Variants in ANKS1B observed in about 807,000 individuals in gnomAD.
ANKS1B encodes the protein ankyrin repeat and sterile alpha motif domain containing 1B.
Under a neutral mutation model 148.3 loss-of-function variants are expected in ANKS1B, and 36 were observed. That is an observed-to-expected ratio of 0.24 (90% CI 0.19 to 0.32). ANKS1B has a LOEUF of 0.32. ANKS1B is among the 10% of genes least tolerant of loss of function. The pLI is 1.00. For synonymous variants in ANKS1B, 542 were observed against 560.8 expected, an observed-to-expected ratio of 0.97 and a Z score of 0.47; for missense variants, 1,157 against 1,542.6, an observed-to-expected ratio of 0.75 and a Z score of 4.19.
chr12:98,776,210 T>C (rs1456225504), intron 24 of ANKS1B, among the ~76,000 whole-genome samples: 1 of 152,218 alleles, frequency 6.6e-6, no homozygotes, highest in Non-Finnish European at 1.5e-5. Flanking sequence ...GGAGACTAGA[T>C]GGTAGACTTC....
intron 19 of ANKS1B, among the ~76,000 whole-genome samples, chr12:98,812,421 A>G (rs1344447058): frequency 1.3e-5 from 2 of 152,228 alleles, no homozygotes; most frequent in Non-Finnish European, 2.9e-5. Context: ...AATACACACT[A>G]TGACGTTTGC....
chr12:99,144,134 T>A (rs1408050544), intron 15 of ANKS1B, among the ~76,000 whole-genome samples: 1 of 152,016 alleles, frequency 6.6e-6, no homozygotes, highest in Non-Finnish European at 1.5e-5. Flanking sequence ...ATTGGCTATA[T>A]TTTTTTTCTT....
chr12:99,932,200 T>C (rs2094636034), intron 1 of ANKS1B, among the ~76,000 whole-genome samples: 4 of 152,246 alleles, frequency 2.6e-5, no homozygotes, highest in Admixed American at 2.6e-4. Context: ...TTCCAAATTT[T>C]GGCTATTGGG....
intron 1 of ANKS1B, among the ~76,000 whole-genome samples, chr12:99,866,098 A>T (rs1205923452): frequency 6.6e-6 from 1 of 152,188 alleles, no homozygotes; most frequent in Non-Finnish European, 1.5e-5. Flanking sequence ...AGAAACCGTA[A>T]GCCTGGTCAC....
chr12:99,184,859 T>A (rs1295315405), intron 14 of ANKS1B, among the ~76,000 whole-genome samples: 1 of 152,206 alleles, frequency 6.6e-6, no homozygotes, highest in Admixed American at 6.5e-5. Flanking sequence ...AAATGAGGGT[T>A]AAAAATTATG....
intron 14 of ANKS1B, among the ~76,000 whole-genome samples, chr12:99,186,396 C>G (rs184758680): frequency 6.6e-6 from 1 of 152,322 alleles, no homozygotes; most frequent in Admixed American, 6.5e-5. Flanking sequence ...TGCTAAGGGA[C>G]AGACTGCCTC....
chr12:99,152,186 T>A (rs1316813460), intron 15 of ANKS1B, among the ~76,000 whole-genome samples: 1 of 152,172 alleles, frequency 6.6e-6, no homozygotes, highest in Non-Finnish European at 1.5e-5. Context: ...TCGCTTATGA[T>A]ACTAGTAGCA....
intron 19 of ANKS1B, among the ~76,000 whole-genome samples, 185 bp from the exon 20 acceptor site, chr12:98,808,103 A>C (rs1159479804): frequency 1.3e-5 from 2 of 152,238 alleles, no homozygotes; most frequent in African/African-American, 2.4e-5. Context: ...TTTTTGCTTT[A>C]AAACATTTTG....
At chr12:99,788,813 G>A (rs922368126) in intron 4 of ANKS1B, among the ~76,000 whole-genome samples, 1 of 152,086 alleles carries the variant, frequency 6.6e-6, no homozygotes, top group Non-Finnish European at 1.5e-5. Flanking sequence ...AGTAAACATT[G>A]GCAGTGACCT....
At chr12:99,639,002 T>C (rs2098272973) in intron 9 of ANKS1B, among the ~76,000 whole-genome samples, 1 of 152,188 alleles carries the variant, frequency 6.6e-6, no homozygotes, top group African/African-American at 2.4e-5. Context: ...TTTGGGAACC[T>C]TTGCCTAGAT....
intron 9 of ANKS1B, among the ~76,000 whole-genome samples, chr12:99,570,507 CA>C (rs1447030988): frequency 2.6e-5 from 4 of 151,950 alleles, no homozygotes; most frequent in Non-Finnish European, 4.4e-5. Context: ...ATTAGCTGGG[CA>C]TGGTGGCGGG....
At chr12:99,881,172 G>A (rs2092456727) in intron 1 of ANKS1B, among the ~76,000 whole-genome samples, 1 of 152,212 alleles carries the variant, frequency 6.6e-6, no homozygotes, top group South Asian at 2.1e-4. Context: ...GAGATTTCCA[G>A]AGAAGTCCTC....
intron 9 of ANKS1B, among the ~76,000 whole-genome samples, chr12:99,617,033 A>G (rs1349023826): frequency 6.6e-6 from 1 of 152,260 alleles, no homozygotes; most frequent in Non-Finnish European, 1.5e-5. Context: ...CAAAAAACAC[A>G]TGAGAGAAAG....
intron 9 of ANKS1B, among the ~76,000 whole-genome samples, chr12:99,562,610 A>G (rs2097348360): frequency 2.6e-5 from 4 of 152,224 alleles, no homozygotes; most frequent in Admixed American, 2.0e-4. Flanking sequence ...ACTTACAATC[A>G]TGGTGGAAGG....
chr12:99,511,883 C>T (rs540331065), intron 9 of ANKS1B, among the ~76,000 whole-genome samples: 2 of 152,008 alleles, frequency 1.3e-5, no homozygotes, highest in African/African-American at 4.8e-5. Flanking sequence ...AAACTGGACC[C>T]CTTCCCTACA....
chr12:99,676,516 G>C (rs1289032771), intron 8 of ANKS1B, among the ~76,000 whole-genome samples: 1 of 152,078 alleles, frequency 6.6e-6, no homozygotes, highest in Non-Finnish European at 1.5e-5. Flanking sequence ...GCAATCCTAA[G>C]AATTTAACTG....
At chr12:98,821,915 T>C (rs1432019974) in intron 19 of ANKS1B, among the ~76,000 whole-genome samples, 1 of 147,306 alleles carries the variant, frequency 6.8e-6, no homozygotes, top group Non-Finnish European at 1.5e-5. Flanking sequence ...GCCTGGGACT[T>C]TTTTTTTTTT....
intron 17 of ANKS1B, among the ~76,000 whole-genome samples, chr12:98,887,742 G>T (rs1470815929): frequency 6.6e-6 from 1 of 151,798 alleles, no homozygotes; most frequent in East Asian, 1.9e-4. Flanking sequence ...TGAGTAGTTG[G>T]GATTACAGGT....
At chr12:98,979,700 G>A (rs1265912589) in intron 17 of ANKS1B, among the ~76,000 whole-genome samples, 2 of 151,626 alleles carry the variant, frequency 1.3e-5, no homozygotes, top group Non-Finnish European at 2.9e-5. Flanking sequence ...TTATGCTGTG[G>A]TTAATATGTG....
Sources: allele counts gnomAD v4.1 joint callset (sites outside exome capture counted in the v4.1 genomes callset), GRCh38; gene constraint gnomAD v4.1.1; transcripts MANE v1.5; gene names NCBI Gene and HGNC (gene_info 2026-07-23, HGNC 2026-07-21).